Variants in DERA observed in about 807,000 individuals in gnomAD.
DERA encodes 2-deoxy-D-ribose 5-phosphate aldolase.
A neutral mutation model predicts 41.1 loss-of-function variants in DERA; 15 were observed. The ratio of observed to expected loss-of-function variants is 0.37; its 90% CI spans 0.24 to 0.56. The LOEUF (loss-of-function observed/expected upper bound fraction) is 0.56. DERA is among the 20% of genes least tolerant of loss of function. The pLI is 0.81. For missense variants in DERA, 396 were observed against 403.4 expected, an observed-to-expected ratio of 0.98 and a Z score of 0.16; for synonymous variants, 139 against 137.4, an observed-to-expected ratio of 1.01 and a Z score of -0.08.
In DERA at chr12:15,992,965, A is replaced by G. The variant is rs190008024; in HGVS notation, c.637+10529A>G. On this transcript the variant is annotated intron_variant, in intron 6 of 8. Transcript: ENST00000428559. The surrounding 1 kb of genome is among the most constrained non-coding windows in gnomAD (Gnocchi z 4.3). ...CATCAGGTTTGAATTGCCGATGAAGATCTGTGGGAAGAGTACTAACACAAA... is the reference window on the plus strand; with the variant it reads ...CATCAGGTTTGAATTGCCGATGAAGGTCTGTGGGAAGAGTACTAACACAAA... Among the ~76,000 whole-genome samples, 141 of 152,338 alleles carry G rather than the reference A, an allele frequency of 9.3e-4. 2 individuals carry two copies. The highest frequency in any genetic ancestry group is 2.7e-3 in the Admixed American group (41 of 15,306).
rs1305743862 is a variant in DERA at position 15,959,082 on chromosome 12, T to C, written c.277+747T>C. On this transcript the variant is annotated intron_variant, in intron 3 of 8. Transcript: ENST00000428559. The surrounding 1 kb of genome is among the most constrained non-coding windows in gnomAD (Gnocchi z 4.5). ...TGTGAGTGCAACTGGAGACGTTGAA[T>C]TGGCCCAATGCAGGTCTTTTATCCC... Among the ~76,000 whole-genome samples, 2 of 152,188 alleles carry C rather than the reference T, an allele frequency of 1.3e-5. No homozygotes were observed. Among genetic ancestry groups the C allele is most frequent in the Non-Finnish European group, 2.9e-5 (2 of 68,032 alleles).
chr12:15,992,086 A>G lies in DERA; in HGVS notation c.637+9650A>G, dbSNP rs777510077. Among the ~76,000 whole-genome samples, 10 of 151,256 alleles carry G rather than the reference A, an allele frequency of 6.6e-5. No homozygotes were observed. The highest frequency in any genetic ancestry group is 2.0e-4 in the Admixed American group (3 of 15,228). ...CCTGTTAGATTTTTTTTTTTTTTCAAAACTGTGCTCTTCCCTGGGCTAAGG... is the reference window on the plus strand; with the variant it reads ...CCTGTTAGATTTTTTTTTTTTTTCAGAACTGTGCTCTTCCCTGGGCTAAGG... On this transcript the variant is annotated intron_variant, in intron 6 of 8. Transcript: ENST00000428559. The surrounding 1 kb of genome is among the most constrained non-coding windows in gnomAD (Gnocchi z 4.3).
Position 15,972,251 on chromosome 12 carries a change from G to A in DERA, c.508+9304G>A, listed in dbSNP as rs1233154695. The A allele has an allele frequency of 6.2e-6, 1 of 161,072 alleles. No homozygotes were observed. Among genetic ancestry groups the A allele is most frequent in the Non-Finnish European group, 1.4e-5 (1 of 72,268 alleles). The allele number at this position is 161,072 out of a possible 1,614,324, so 10.0% of individuals were successfully genotyped here. On this transcript the variant is annotated intron_variant, in intron 5 of 8. Coordinates refer to ENST00000428559, the MANE Select transcript of DERA (RefSeq NM_015954.4). The surrounding 1 kb of genome is among the most constrained non-coding windows in gnomAD (Gnocchi z 4.4). ...AAGATAGCAAGCCACCATTGCCTTG[G>A]ACCTCTCCTTGACATAGTATTTTCC... is the stretch of plus-strand genomic sequence containing the variant.
rs1340517076 is a variant in DERA, at chr12:15,931,423, A to G, written c.31+20009A>G. On this transcript the variant is annotated intron_variant, in intron 1 of 8. Transcript: ENST00000428559. This position sits in a 1 kb window ranked among gnomAD's most constrained non-coding sequence, Gnocchi z 4.6. ...ACTGAGAGTTGACTCTTTACCCAAC[A>G]GGGGGCCAAAGTTATCCAGCTTCTT... 6.6e-6 allele frequency among the ~76,000 whole-genome samples: 1 copy of G among 152,230 alleles called. No homozygotes were observed. Among genetic ancestry groups the G allele is most frequent in the East Asian group, 1.9e-4 (1 of 5,198 alleles).
Position 16,014,799 on chromosome 12 carries a change from A to G in DERA, c.638-17743A>G, listed in dbSNP as rs754295092. On this transcript the variant is annotated intron_variant, in intron 6 of 8. Coordinates refer to ENST00000428559, the MANE Select transcript of DERA (RefSeq NM_015954.4). This position sits in a 1 kb window ranked among gnomAD's most constrained non-coding sequence, Gnocchi z 5.4. ...CAGACACTCAATGCTAGCCCGTGAA[A>G]GCAGCCAGGAGGGGTACTGTACCCT... 4.6e-5 allele frequency among the ~76,000 whole-genome samples: 7 copies of G among 152,200 alleles called. No homozygotes were observed. Among genetic ancestry groups the G allele is most frequent in the East Asian group, 1.9e-4 (1 of 5,184 alleles).
chr12:16,022,330 T>C (rs962840664), intron 6 of DERA, among the ~76,000 whole-genome samples: 3 of 152,180 alleles, frequency 2.0e-5, no homozygotes, highest in African/African-American at 7.2e-5. Context: ...CCAAGGCCCT[T>C]ACCAGGAGCC....
rs1077733 is a variant in DERA, at chr12:16,008,520, C to G, written c.638-24022C>G. On this transcript the variant is annotated intron_variant, in intron 6 of 8. Transcript: ENST00000428559. The surrounding 1 kb of genome is among the most constrained non-coding windows in gnomAD (Gnocchi z 4.8). ...TGGTTGCAGAGTCTGAGTGATCCCCCCAGTAAACTAATGTAGGATATATTT... is the reference window on the plus strand; with the variant it reads ...TGGTTGCAGAGTCTGAGTGATCCCCGCAGTAAACTAATGTAGGATATATTT... Among the ~76,000 whole-genome samples, 90,912 of 152,114 alleles carry G rather than the reference C, an allele frequency of 0.6. 29,593 individuals carry two copies. Among genetic ancestry groups the G allele is most frequent in the Non-Finnish European group, 0.74 (49,984 of 68,004 alleles).
rs1478668359 is a variant in DERA, at chr12:15,954,317, A to C, written c.32-2619A>C. ...GTCAGGTCCTTCGCTTGGAGTTTTA[A>C]AAAATCTTTTGGGGACATAAACATT... On this transcript the variant is annotated intron_variant, in intron 1 of 8. Coordinates refer to ENST00000428559, the MANE Select transcript of DERA (RefSeq NM_015954.4). This position sits in a 1 kb window ranked among gnomAD's most constrained non-coding sequence, Gnocchi z 4.0. Among the ~76,000 whole-genome samples the C allele has an allele frequency of 2.6e-5, 4 of 152,122 alleles. No individual in the cohort carries two copies. Among genetic ancestry groups the C allele is most frequent in the African/African-American group, 9.7e-5 (4 of 41,414 alleles).
chr12:15,911,817 G>A lies in DERA; in HGVS notation c.31+403G>A, dbSNP rs763614457. 67 of 477,060 alleles carry A rather than the reference G, an allele frequency of 1.4e-4. No homozygotes were observed. Among genetic ancestry groups the A allele is most frequent in the Non-Finnish European group, 2.7e-4 (65 of 242,220 alleles). The allele number at this position is 477,060 out of a possible 1,614,324, so 29.6% of individuals were successfully genotyped here. ...TAGAATACTTGTGTAATTTAATGCA[G>A]TATTTCCGTAGATAATTTTAACCGT... On this transcript the variant is annotated intron_variant, in intron 1 of 8. Coordinates refer to ENST00000428559, the MANE Select transcript of DERA (RefSeq NM_015954.4). This position sits in a 1 kb window ranked among gnomAD's most constrained non-coding sequence, Gnocchi z 4.5.
Position 15,924,670 on chromosome 12 carries a change from T to G in DERA, c.31+13256T>G, listed in dbSNP as rs1480031595. ...AGTGAGATATATAATTAAATTACCT[T>G]TAACTTGATGAGTGATCAATAAATG... On this transcript the variant is annotated intron_variant, in intron 1 of 8. Transcript: ENST00000428559. This position sits in a 1 kb window ranked among gnomAD's most constrained non-coding sequence, Gnocchi z 5.0. Among the ~76,000 whole-genome samples, 1 of 152,204 alleles carries G rather than the reference T, an allele frequency of 6.6e-6. No individual in the cohort carries two copies. The highest frequency in any genetic ancestry group is 1.5e-5 in the Non-Finnish European group (1 of 68,028).
Position 15,959,296 on chromosome 12 carries a change from A to G in DERA, c.278-533A>G, listed in dbSNP as rs1005676908. ...TTTATAGTGACTATTTGAATTCTAAATTTTTTAAAATTTATGAACTTATTT... is the reference window on the plus strand; with the variant it reads ...TTTATAGTGACTATTTGAATTCTAAGTTTTTTAAAATTTATGAACTTATTT... On this transcript the variant is annotated intron_variant, in intron 3 of 8. Coordinates refer to ENST00000428559, the MANE Select transcript of DERA (RefSeq NM_015954.4). This position sits in a 1 kb window ranked among gnomAD's most constrained non-coding sequence, Gnocchi z 4.5. 6.6e-5 allele frequency among the ~76,000 whole-genome samples: 10 copies of G among 152,146 alleles called. No homozygotes were observed. Among genetic ancestry groups the G allele is most frequent in the African/African-American group, 2.4e-4 (10 of 41,436 alleles).
rs11056715 is a variant in DERA, at chr12:15,922,756, C to T, written c.31+11342C>T. On this transcript the variant is annotated intron_variant, in intron 1 of 8. Coordinates refer to ENST00000428559, the MANE Select transcript of DERA (RefSeq NM_015954.4). This position sits in a 1 kb window ranked among gnomAD's most constrained non-coding sequence, Gnocchi z 4.9. ...GGGACCCAGGCACTTTAGTTGTAGA[C>T]CTGATAGCATCTAGCTGTGGAACCT... is the stretch of plus-strand genomic sequence containing the variant. Among the ~76,000 whole-genome samples the T allele has an allele frequency of 0.1, 15,955 of 152,142 alleles. 2,766 individuals carry two copies. The highest frequency in any genetic ancestry group is 0.36 in the African/African-American group (14,862 of 41,460).
rs1948851123 is a variant in DERA, at chr12:15,998,092, C to T, written c.637+15656C>T. 6.6e-6 allele frequency among the ~76,000 whole-genome samples: 1 copy of T among 152,184 alleles called. No homozygotes were observed. Among genetic ancestry groups the T allele is most frequent in the Admixed American group, 6.5e-5 (1 of 15,280 alleles). ...TCTAGAACAAGGTTCTCAACCTGGG[C>T]TGCACATTAGAGTTTCCTGGCAAGC... On this transcript the variant is annotated intron_variant, in intron 6 of 8. Coordinates refer to ENST00000428559, the MANE Select transcript of DERA (RefSeq NM_015954.4). This position sits in a 1 kb window ranked among gnomAD's most constrained non-coding sequence, Gnocchi z 4.8.
chr12:15,954,692 G>A lies in DERA; in HGVS notation c.32-2244G>A, dbSNP rs1948524279. 6.6e-6 allele frequency among the ~76,000 whole-genome samples: 1 copy of A among 152,142 alleles called. No individual in the cohort carries two copies. The highest frequency in any genetic ancestry group is 2.1e-4 in the South Asian group (1 of 4,824). ...ATGAGGAAGGAGCCAGATGGTGAAGGAAGAGGCTTGTGTTTGCCTGAGACC... is the reference window on the plus strand; with the variant it reads ...ATGAGGAAGGAGCCAGATGGTGAAGAAAGAGGCTTGTGTTTGCCTGAGACC... On this transcript the variant is annotated intron_variant, in intron 1 of 8. Coordinates refer to ENST00000428559, the MANE Select transcript of DERA (RefSeq NM_015954.4). This position sits in a 1 kb window ranked among gnomAD's most constrained non-coding sequence, Gnocchi z 4.0.
rs570045298 is a variant in DERA, at chr12:15,967,757, C to G, written c.508+4810C>G. Among the ~76,000 whole-genome samples, 14 of 152,340 alleles carry G rather than the reference C, an allele frequency of 9.2e-5. No homozygotes were observed. The highest frequency in any genetic ancestry group is 2.9e-4 in the African/African-American group (12 of 41,566). On this transcript the variant is annotated intron_variant, in intron 5 of 8. Transcript: ENST00000428559. The surrounding 1 kb of genome is among the most constrained non-coding windows in gnomAD (Gnocchi z 4.9). ...ACACTGTCCTTCCCTGCCAATCCTT[C>G]TGTCACTCCTGTCTAGCTGGACATG...
At chr12:15,948,014 A>C (rs1294029770) in intron 1 of DERA, among the ~76,000 whole-genome samples, 1 of 152,226 alleles carries the variant, frequency 6.6e-6, no homozygotes, top group African/African-American at 2.4e-5. Context: ...TTTCTTTAAG[A>C]ATGTTGAATA....
In DERA at chr12:15,993,507, G is replaced by A. The variant is rs1430304647; in HGVS notation, c.637+11071G>A. Among the ~76,000 whole-genome samples, 9 of 144,766 alleles carry A rather than the reference G, an allele frequency of 6.2e-5. No individual in the cohort carries two copies. Among genetic ancestry groups the A allele is most frequent in the African/African-American group, 1.0e-4 (4 of 39,004 alleles). 95.0% of individuals were successfully genotyped at this position (144,766 alleles called of 152,430 possible). On this transcript the variant is annotated intron_variant, in intron 6 of 8. Coordinates refer to ENST00000428559, the MANE Select transcript of DERA (RefSeq NM_015954.4). The surrounding 1 kb of genome is among the most constrained non-coding windows in gnomAD (Gnocchi z 4.4). ...TTTTTTTTTTTTTTAAAAAAAATAA[G>A]ATCTTGCCTTTCATAGGAAAAAGCA...
intron 6 of DERA, among the ~76,000 whole-genome samples, chr12:16,007,842 G>GTGTTT (rs60755576): frequency 0.011 from 1,619 of 151,536 alleles, 7 homozygotes; most frequent in Non-Finnish European, 0.014. Context: ...TTTTTGTTTT[G>GTGTTT]TGTTTTGTTT....
chr12:16,005,754 GTTC>G (rs1363708739), intron 6 of DERA, among the ~76,000 whole-genome samples: 4 of 152,176 alleles, frequency 2.6e-5, no homozygotes, highest in Non-Finnish European at 5.9e-5. Context: ...GTATGGCTAA[GTTC>G]TTCTCGTGTA....
Sources: allele counts gnomAD v4.1 joint callset (sites outside exome capture counted in the v4.1 genomes callset), GRCh38; gene constraint gnomAD v4.1.1; non-coding constraint Gnocchi (gnomAD v3.1); transcripts MANE v1.5; gene names NCBI Gene and HGNC (gene_info 2026-07-23, HGNC 2026-07-21).